The following KLHDC10 variants were observed in gnomAD, a reference collection of about 807,000 sequenced individuals.
KLHDC10 encodes the protein kelch domain-containing protein 10.
A neutral mutation model predicts 56.1 loss-of-function variants in KLHDC10; 24 were observed. That is an observed-to-expected ratio of 0.43 (90% confidence interval 0.31 to 0.60). The LOEUF (loss-of-function observed/expected upper bound fraction) is 0.60. Ranked by LOEUF, KLHDC10 falls within the 20% of genes least tolerant of loss-of-function variation. KLHDC10 has a pLI of 0.11. For synonymous variants in KLHDC10, 188 were observed against 207.1 expected (o/e 0.91, Z 0.79); for missense variants, 349 against 567.0 (o/e 0.62, Z 3.91).
At chr7:130,072,846 C>G (rs1298258653) in intron 1 of KLHDC10, among the ~76,000 whole-genome samples, 1 of 151,906 alleles carries the variant, frequency 6.6e-6, no homozygotes, top group East Asian at 1.9e-4. Flanking sequence ...AACTCCACTT[C>G]CTAGGCTCAA....
chr7:130,090,858 A>T (rs1004391092), intron 1 of KLHDC10, among the ~76,000 whole-genome samples: 2 of 152,002 alleles, frequency 1.3e-5, no homozygotes, highest in African/African-American at 4.8e-5. Flanking sequence ...CAAGATACAG[A>T]ACAGTTCCAT....
chr7:130,073,293 CTTTTTTT>C (rs768140763), intron 1 of KLHDC10, among the ~76,000 whole-genome samples: 2 of 122,956 alleles, frequency 1.6e-5, no homozygotes, highest in African/African-American at 3.0e-5. Context: ...TCCTATTTGT[CTTTTTTT>C]TTTTTTTTTT....
At position 130,130,490 on chromosome 7, in the gene KLHDC10, G is replaced by A. The variant is rs1340480701; in HGVS notation, c.1120-47G>A. 1.3e-6 allele frequency: 2 copies of A among 1,490,476 alleles called. No homozygotes were observed. Among genetic ancestry groups the A allele is most frequent in the Non-Finnish European group, 1.9e-6 (2 of 1,067,868 alleles). The allele number at this position is 1,490,476 out of a possible 1,614,324, so 92.3% of individuals were successfully genotyped here. On this transcript the variant is annotated intron_variant, in intron 9 of 9. Coordinates refer to ENST00000335420, the MANE Select transcript of KLHDC10 (RefSeq NM_014997.4). This position sits in a 1 kb window ranked among gnomAD's most constrained non-coding sequence, Gnocchi z 4.2. ...TTTTCCCCACTGAGTCTTCAGCCTT[G>A]TATGTTTCTCTCCCGTTTGAATTTG... is the stretch of plus-strand genomic sequence containing the variant.
chr7:130,091,127 A>G (rs1795766844), intron 1 of KLHDC10, among the ~76,000 whole-genome samples: 1 of 152,170 alleles, frequency 6.6e-6, no homozygotes, highest in South Asian at 2.1e-4. Flanking sequence ...GCTATTGTGA[A>G]TAAAGCTGTT....
At chr7:130,094,926 C>G (rs1363103535) in intron 1 of KLHDC10, 3 of 152,032 alleles carry the variant, frequency 2.0e-5, no homozygotes, top group Non-Finnish European at 4.4e-5. Context: ...ATAGCTGGGT[C>G]AAAGGGTATG....
chr7:130,112,661 T>C (rs7800870), intron 2 of KLHDC10, among the ~76,000 whole-genome samples: 73,419 of 151,994 alleles, frequency 0.48, 18,329 homozygotes, highest in African/African-American at 0.6. Flanking sequence ...GTGGCATTAA[T>C]CCAGACAGAC....
At chr7:130,074,169 G>A (rs1264259212) in intron 1 of KLHDC10, among the ~76,000 whole-genome samples, 2 of 152,146 alleles carry the variant, frequency 1.3e-5, no homozygotes. Context: ...GATGTATCAT[G>A]CTTCCTCCTG....
chr7:130,099,049 C>A (rs891865782), intron 2 of KLHDC10, among the ~76,000 whole-genome samples: 3 of 152,156 alleles, frequency 2.0e-5, no homozygotes, highest in African/African-American at 7.2e-5. Flanking sequence ...CTTCTTTAAC[C>A]TCTTTGTAGT....
At chr7:130,115,130 TG>T (rs1796150209) in intron 2 of KLHDC10, among the ~76,000 whole-genome samples, 1 of 152,242 alleles carries the variant, frequency 6.6e-6, no homozygotes, top group African/African-American at 2.4e-5. Flanking sequence ...ATAGAAGGCC[TG>T]TATTAGGTTG....
intron 2 of KLHDC10, among the ~76,000 whole-genome samples, chr7:130,115,937 AT>A (rs1796161430): frequency 6.6e-6 from 1 of 152,100 alleles, no homozygotes; most frequent in African/African-American, 2.4e-5. Context: ...TTGTAAGTGT[AT>A]AATTATATCT....
chr7:130,077,467 A>G (rs557222077), intron 1 of KLHDC10, among the ~76,000 whole-genome samples: 6 of 145,960 alleles, frequency 4.1e-5, no homozygotes, highest in Non-Finnish European at 7.5e-5. Flanking sequence ...TAGGCCTCAC[A>G]TTTCTTATTA....
At chr7:130,074,619 CTTT>C (rs577941524) in intron 1 of KLHDC10, among the ~76,000 whole-genome samples, 1 of 139,294 alleles carries the variant, frequency 7.2e-6, no homozygotes, top group African/African-American at 2.7e-5. Context: ...GGTTCTCTCT[CTTT>C]TTTTTTTTTT....
chr7:130,099,445 A>T (rs1463096991), intron 2 of KLHDC10, among the ~76,000 whole-genome samples: 1 of 152,208 alleles, frequency 6.6e-6, no homozygotes, highest in Non-Finnish European at 1.5e-5. Flanking sequence ...ATGAGGTAGC[A>T]TGCTATGGGA....
At chr7:130,105,748 T>G (rs1181304029) in intron 2 of KLHDC10, among the ~76,000 whole-genome samples, 1 of 152,224 alleles carries the variant, frequency 6.6e-6, no homozygotes, top group Non-Finnish European at 1.5e-5. Context: ...TTCTGTTTCT[T>G]GACCTGGGTG....
Position 130,120,673 on chromosome 7 carries a change from C to T in KLHDC10, c.476-76C>T. ...ATTAAAGCAGATATGTGTAGCTTCT[C>T]AGATATTCTGGGTTTATGTGGGAAC... On this transcript the variant is annotated intron_variant, in intron 3 of 9. Coordinates refer to ENST00000335420, the MANE Select transcript of KLHDC10 (RefSeq NM_014997.4). This position sits in a 1 kb window ranked among gnomAD's most constrained non-coding sequence, Gnocchi z 5.1. 6.7e-7 allele frequency: 1 copy of T among 1,491,932 alleles called. No homozygotes were observed. Among genetic ancestry groups the T allele is most frequent in the South Asian group, 1.2e-5 (1 of 83,290 alleles). The allele number at this position is 1,491,932 out of a possible 1,614,324, so 92.4% of individuals were successfully genotyped here. A position where few individuals can be genotyped will look rare whatever the true frequency, so the allele number is the denominator to read the frequency against.
intron 1 of KLHDC10, among the ~76,000 whole-genome samples, chr7:130,076,059 G>A (rs944038434): frequency 6.6e-6 from 1 of 152,030 alleles, no homozygotes; most frequent in African/African-American, 2.4e-5. Context: ...GTGGAGGAGT[G>A]GGGGGAATGG....
At position 130,130,530 on chromosome 7, in the gene KLHDC10, C is replaced by T. The variant is rs1563108260; in HGVS notation, c.1120-7C>T. On this transcript the variant is annotated splice_polypyrimidine_tract_variant and splice_region_variant and intron_variant, in intron 9 of 9. Transcript: ENST00000335420. This position sits in a 1 kb window ranked among gnomAD's most constrained non-coding sequence, Gnocchi z 4.2. ...GTTTGAATTTGTCCTCTTTTGACTACTCATAGGCTGGTTGCATGTACATTC... is the reference window on the plus strand; with the variant it reads ...GTTTGAATTTGTCCTCTTTTGACTATTCATAGGCTGGTTGCATGTACATTC... The T allele has an allele frequency of 6.2e-7, 1 of 1,612,630 alleles. No individual in the cohort carries two copies. Among genetic ancestry groups the T allele is most frequent in the East Asian group, 2.2e-5 (1 of 44,874 alleles).
At chr7:130,083,772 CTT>C (rs1433922661) in intron 1 of KLHDC10, among the ~76,000 whole-genome samples, 11 of 152,142 alleles carry the variant, frequency 7.2e-5, no homozygotes, top group Non-Finnish European at 1.5e-4. Flanking sequence ...CCACAAATGA[CTT>C]ATGTGTGTCA....
In KLHDC10 at chr7:130,122,150, G is replaced by C; in HGVS notation, c.727G>C (p.Glu243Gln). 1 of 1,614,050 alleles carries C rather than the reference G, an allele frequency of 6.2e-7. No individual in the cohort carries two copies. Among genetic ancestry groups the C allele is most frequent in the Non-Finnish European group, 8.5e-7 (1 of 1,179,970 alleles). The change falls in exon 5 of 10, where the codon GAG becomes CAG. Residue 243 changes from glutamate (E) to glutamine (Q), a missense_variant. This residue lies in a region of KLHDC10 where 245 missense variants were observed against 470.1 expected (regional missense o/e 0.52). Transcript: ENST00000335420. ...DLHKLDLNTR[E>Q]WTQLKPNNLS... Reference sequence around the variant, plus strand: ...GCACAAGTTAGATCTCAATACCAGAGAGTGGACACAACTGAAACCAAACAA... The same window carrying C: ...GCACAAGTTAGATCTCAATACCAGACAGTGGACACAACTGAAACCAAACAA...
Sources: gnomAD v4.1 joint callset for allele counts (sites outside exome capture counted in the v4.1 genomes callset) on GRCh38, gnomAD v4.1.1 for gene constraint, gnomAD v4.1.1 regional missense constraint, Gnocchi (gnomAD v3.1) non-coding constraint, MANE v1.5 for transcripts, NCBI Gene and HGNC (gene_info 2026-07-23, HGNC 2026-07-21) for gene names.